ZNF804B: variants seen among roughly 807,000 people sequenced by gnomAD.
ZNF804B encodes zinc finger protein 804B.
ZNF804B carries 80 observed loss-of-function variants against 101.4 expected under a neutral mutation model. That is an observed-to-expected ratio of 0.79 (90% CI 0.66 to 0.95). The LOEUF is 0.95. Ranked by LOEUF, ZNF804B falls within the 40% of genes least tolerant of loss-of-function variation. The pLI, the probability that ZNF804B is intolerant of heterozygous loss-of-function variation, is 0.00. For missense variants in ZNF804B, 1,673 were observed against 1,561.9 expected (o/e 1.07, Z -1.20); for synonymous variants, 622 against 558.8 (o/e 1.11, Z -1.59).
intron 1 of ZNF804B, among the ~76,000 whole-genome samples, chr7:88,803,400 C>T (rs1207143070): frequency 6.6e-6 from 1 of 152,136 alleles, no homozygotes; most frequent in Admixed American, 6.6e-5. Context: ...TACTAAGAAA[C>T]AGTCCAGGAA....
At chr7:88,773,234 A>AT (rs1790095244) in intron 1 of ZNF804B, among the ~76,000 whole-genome samples, 1 of 152,192 alleles carries the variant, frequency 6.6e-6, no homozygotes, top group Non-Finnish European at 1.5e-5. Flanking sequence ...AGCACAAGAA[A>AT]TTTTCCCCTG....
intron 1 of ZNF804B, among the ~76,000 whole-genome samples, chr7:89,161,933 G>A (rs958514262): frequency 1.3e-5 from 2 of 151,926 alleles, no homozygotes; most frequent in Admixed American, 6.6e-5. Context: ...TATTATATAT[G>A]ATTTGTCATA....
intron 1 of ZNF804B, among the ~76,000 whole-genome samples, chr7:89,071,529 G>C (rs537766299): frequency 6.6e-6 from 1 of 152,066 alleles, no homozygotes; most frequent in Non-Finnish European, 1.5e-5. Flanking sequence ...ATATCAGGAA[G>C]CAGTAGTGCC....
intron 1 of ZNF804B, among the ~76,000 whole-genome samples, chr7:89,211,578 C>T (rs1788804716): frequency 6.6e-6 from 1 of 152,116 alleles, no homozygotes; most frequent in Non-Finnish European, 1.5e-5. Context: ...CAATTTTCTG[C>T]ATATGGCTGG....
chr7:88,814,216 C>A (rs1299025786), intron 1 of ZNF804B, among the ~76,000 whole-genome samples: 1 of 151,956 alleles, frequency 6.6e-6, no homozygotes, highest in Non-Finnish European at 1.5e-5. Flanking sequence ...AGTATATATA[C>A]TTTTATACAT....
At chr7:88,869,139 A>G (rs1791778617) in intron 1 of ZNF804B, among the ~76,000 whole-genome samples, 1 of 152,232 alleles carries the variant, frequency 6.6e-6, no homozygotes, top group Admixed American at 6.5e-5. Context: ...CTTTCATCTT[A>G]CATGATATCT....
At chr7:89,310,852 G>A (rs1169932966) in intron 2 of ZNF804B, among the ~76,000 whole-genome samples, 4 of 152,216 alleles carry the variant, frequency 2.6e-5, no homozygotes, top group Non-Finnish European at 4.4e-5. Context: ...TGAAGGAGCT[G>A]CACAGCAGGG....
At chr7:89,263,585 G>A (rs6965303) in intron 2 of ZNF804B, among the ~76,000 whole-genome samples, 43,000 of 146,978 alleles carry the variant, frequency 0.29, 6,302 homozygotes, top group African/African-American at 0.35. Context: ...ACCTGTGAAT[G>A]TGACCTTTTT....
intron 1 of ZNF804B, among the ~76,000 whole-genome samples, chr7:89,192,050 G>T (rs918088712): frequency 3.3e-5 from 5 of 151,920 alleles, no homozygotes; most frequent in Admixed American, 1.3e-4. Flanking sequence ...TCTAAAAATG[G>T]GAGCTTAAGG....
intron 1 of ZNF804B, among the ~76,000 whole-genome samples, chr7:89,026,786 T>C (rs986595260): frequency 1.3e-5 from 2 of 152,114 alleles, no homozygotes; most frequent in Non-Finnish European, 2.9e-5. Context: ...TAATAAAAGA[T>C]AGAAGTTCCA....
chr7:88,794,264 C>T (rs760899849), intron 1 of ZNF804B: 21 of 1,613,580 alleles, frequency 1.3e-5, no homozygotes, highest in African/African-American at 2.7e-5. Flanking sequence ...ATAAATGTTG[C>T]CGGGTCCATG....
At chr7:88,793,202 T>G (rs980100981) in intron 1 of ZNF804B, among the ~76,000 whole-genome samples, 1 of 152,132 alleles carries the variant, frequency 6.6e-6, no homozygotes, top group Non-Finnish European at 1.5e-5. Context: ...CTAAAAACTT[T>G]TAAACAATGC....
chr7:89,176,595 T>TTTC (rs1562906147), intron 1 of ZNF804B, among the ~76,000 whole-genome samples: 39 of 145,326 alleles, frequency 2.7e-4, no homozygotes, highest in African/African-American at 9.1e-4. Flanking sequence ...TTCTTTCTTT[T>TTTC]TTTTTTTTTT....
intron 1 of ZNF804B, among the ~76,000 whole-genome samples, chr7:88,919,692 A>T (rs1450948714): frequency 6.6e-6 from 1 of 152,090 alleles, no homozygotes; most frequent in Non-Finnish European, 1.5e-5. Context: ...TCTTAGGCTG[A>T]CTCAGAATCT....
At chr7:88,834,991 T>C (rs550659728) in intron 1 of ZNF804B, among the ~76,000 whole-genome samples, 64 of 151,842 alleles carry the variant, frequency 4.2e-4, no homozygotes, top group Non-Finnish European at 7.1e-4. Context: ...ATAATGCTCA[T>C]ATAGAAAAGA....
chr7:89,167,485 T>C (rs574319477), intron 1 of ZNF804B, among the ~76,000 whole-genome samples: 1 of 121,592 alleles, frequency 8.2e-6, no homozygotes, highest in East Asian at 2.2e-4. Flanking sequence ...CCTGTATAAG[T>C]GAACTCTCGC....
chr7:88,794,914 C>T (rs1352074745), intron 1 of ZNF804B: 2 of 1,601,316 alleles, frequency 1.2e-6, no homozygotes, highest in Non-Finnish European at 8.5e-7. Context: ...CCTTTTGCTG[C>T]CCTTCTGGTT....
intron 2 of ZNF804B, among the ~76,000 whole-genome samples, chr7:89,271,812 C>A (rs1789901373): frequency 6.6e-6 from 1 of 152,024 alleles, no homozygotes; most frequent in Admixed American, 6.6e-5. Flanking sequence ...CTGTATGTGT[C>A]CAGAAATTTA....
At chr7:88,777,757 A>G (rs530528884) in intron 1 of ZNF804B, among the ~76,000 whole-genome samples, 1 of 151,412 alleles carries the variant, frequency 6.6e-6, no homozygotes, top group Admixed American at 6.6e-5. Context: ...CTGAGGGACG[A>G]GAATAATTTG....
Sources: gnomAD v4.1 joint callset for allele counts (sites outside exome capture counted in the v4.1 genomes callset) on GRCh38, gnomAD v4.1.1 for gene constraint, MANE v1.5 for transcripts, NCBI Gene and HGNC (gene_info 2026-07-23, HGNC 2026-07-21) for gene names.